Variants in TTBK2 observed in about 807,000 individuals in gnomAD.
The protein encoded by TTBK2 is tau tubulin kinase 2.
Under a neutral mutation model 110.8 loss-of-function variants are expected in TTBK2, and 28 were observed. That is an observed-to-expected ratio of 0.25 (90% CI 0.19 to 0.35). TTBK2 has a LOEUF of 0.35. Among genes scored for constraint, TTBK2 ranks in the 10% least tolerant of loss-of-function variants. The pLI is 1.00. For synonymous variants in TTBK2, 532 were observed against 527.3 expected, an observed-to-expected ratio of 1.01 and a Z score of -0.12; for missense variants, 1,369 against 1,500.3, an observed-to-expected ratio of 0.91 and a Z score of 1.45.
At position 42,777,113 on chromosome 15, in the gene TTBK2, A is replaced by G; in HGVS notation, c.1327T>C (p.Leu443=). 2 of 1,614,212 alleles carry G rather than the reference A, an allele frequency of 1.2e-6. No homozygotes were observed. Among genetic ancestry groups the G allele is most frequent in the Non-Finnish European group, 1.7e-6 (2 of 1,180,048 alleles). The part of the protein sequence containing the change: ...PDRDIPLVRK[L]RSIHSFELEK... ...AGCTCAAAGCTGTGAATGGAACGTA[A>G]CTTTCGCACCAGTGGAATATCTCTG... The change falls in exon 12 of 15, where the codon TTA becomes CTA. Residue 443 remains leucine (L), a synonymous_variant. Transcript: ENST00000267890.
intron 1 of TTBK2, among the ~76,000 whole-genome samples, chr15:42,892,949 T>C (rs1213961277): frequency 6.9e-6 from 1 of 144,874 alleles, no homozygotes; most frequent in Non-Finnish European, 1.5e-5. Flanking sequence ...AGGCGGAGTA[T>C]GCAGTCAGCC....
intron 1 of TTBK2, among the ~76,000 whole-genome samples, chr15:42,909,381 C>T (rs1277601543): frequency 6.6e-6 from 1 of 152,202 alleles, no homozygotes; most frequent in Non-Finnish European, 1.5e-5. Context: ...CTCTCTCTGA[C>T]TTTTGCTTCC....
intron 7 of TTBK2, among the ~76,000 whole-genome samples, chr15:42,816,084 A>AT (rs1491188073): frequency 0.11 from 6,117 of 57,170 alleles, 383 homozygotes; most frequent in African/African-American, 0.2. Flanking sequence ...ATAAATAAAT[A>AT]AATATATATA....
intron 10 of TTBK2, among the ~76,000 whole-genome samples, chr15:42,792,846 T>C (rs926543451): frequency 6.6e-6 from 1 of 152,254 alleles, no homozygotes; most frequent in Non-Finnish European, 1.5e-5. Flanking sequence ...TGTGTAGCTT[T>C]AGTTTTCCTT....
intron 1 of TTBK2, among the ~76,000 whole-genome samples, chr15:42,918,493 T>A (rs190712078): frequency 6.6e-6 from 1 of 152,216 alleles, no homozygotes; most frequent in Non-Finnish European, 1.5e-5. Context: ...TGTTACTTTT[T>A]AAAGTTATAA....
chr15:42,902,830 A>G (rs2030134215), intron 1 of TTBK2, among the ~76,000 whole-genome samples: 1 of 152,046 alleles, frequency 6.6e-6, no homozygotes, highest in Non-Finnish European at 1.5e-5. Flanking sequence ...GTCTCTACAA[A>G]ATATACAAAT....
intron 9 of TTBK2, among the ~76,000 whole-genome samples, chr15:42,805,954 C>G (rs1322129552): frequency 6.6e-6 from 1 of 152,172 alleles, no homozygotes; most frequent in Non-Finnish European, 1.5e-5. Context: ...GATCAAGAAC[C>G]TTTATTGTGT....
At chr15:42,855,623 T>C (rs1019939040) in intron 3 of TTBK2, among the ~76,000 whole-genome samples, 14 of 152,346 alleles carry the variant, frequency 9.2e-5, no homozygotes, top group African/African-American at 3.4e-4. Context: ...TTCATAATGA[T>C]ACTCAAAACG....
chr15:42,770,738 T>C (rs7182871), intron 13 of TTBK2, among the ~76,000 whole-genome samples: 146,882 of 152,306 alleles, frequency 0.96, 70,895 homozygotes, highest in Middle Eastern at 1. Flanking sequence ...ATTCAACCCT[T>C]CTGCAAAATC....
rs1161998016 is a variant in TTBK2, at chr15:42,763,104, G to GTA, written c.1999-9859_1999-9858dup. On this transcript the variant is annotated intron_variant, in intron 13 of 14. Coordinates refer to ENST00000267890, the MANE Select transcript of TTBK2 (RefSeq NM_173500.4). The stretch of plus-strand genomic sequence containing the variant: ...CAATTTTATATATATATATATATAC[G>GTA]TATATATATATATACACATATATAT... Among the ~76,000 whole-genome samples the GTA allele has an allele frequency of 4.3e-3, 257 of 59,582 alleles. 6 individuals carry two copies. Among genetic ancestry groups the GTA allele is most frequent in the South Asian group, 0.01 (17 of 1,622 alleles). 39.1% of individuals were successfully genotyped at this position (59,582 alleles called of 152,430 possible).
chr15:42,777,379 C>T (rs1034843248), intron 11 of TTBK2, 137 bp from the exon 12 acceptor site: 50 of 842,086 alleles, frequency 5.9e-5, no homozygotes, highest in Non-Finnish European at 8.1e-5. Context: ...GGCTAGTTTA[C>T]TTCATTACAT....
intron 3 of TTBK2, among the ~76,000 whole-genome samples, chr15:42,866,003 A>G (rs1313128158): frequency 6.6e-6 from 1 of 152,248 alleles, no homozygotes; most frequent in Non-Finnish European, 1.5e-5. Flanking sequence ...GTTGTCTACA[A>G]CAAACTCACT....
At chr15:42,802,396 C>G (rs371843940) in intron 9 of TTBK2, 1 of 753,188 alleles carries the variant, frequency 1.3e-6, no homozygotes, top group Non-Finnish European at 2.4e-6. Flanking sequence ...CCGGGTCACC[C>G]TGATGGACAT....
chr15:42,768,886 C>T (rs561092229), intron 13 of TTBK2, among the ~76,000 whole-genome samples: 1 of 152,308 alleles, frequency 6.6e-6, no homozygotes, highest in Non-Finnish European at 1.5e-5. Context: ...GTAACCAAAA[C>T]AGCATGGTAC....
intron 1 of TTBK2, among the ~76,000 whole-genome samples, chr15:42,904,416 A>G (rs1055327648): frequency 6.6e-6 from 1 of 152,206 alleles, no homozygotes; most frequent in African/African-American, 2.4e-5. Context: ...TAAGATTTAC[A>G]ATAAAAAAAA....
Position 42,907,749 on chromosome 15 carries a change from T to G in TTBK2, c.-68+12689A>C, listed in dbSNP as rs2030494058. On this transcript the variant is annotated intron_variant, in intron 1 of 14. Transcript: ENST00000267890. ...TGTACATATAAAATGGTAAAGATGG[T>G]AAATCTTATTTGCACGTTTTACCTC... Among the ~76,000 whole-genome samples the G allele has an allele frequency of 3.3e-5, 5 of 152,038 alleles. No individual in the cohort carries two copies. In the South Asian group the frequency reaches 1.0e-3, roughly 32 times the overall value.
In TTBK2 at chr15:42,870,513, G is replaced by C. The variant is rs535311240; in HGVS notation, c.217+2098C>G. Among the ~76,000 whole-genome samples, 3 of 152,000 alleles carry C rather than the reference G, an allele frequency of 2.0e-5. No individual in the cohort carries two copies. In the South Asian group the frequency reaches 6.2e-4, roughly 32 times the overall value. On this transcript the variant is annotated intron_variant, in intron 3 of 14. Transcript: ENST00000267890. ...GAGAAGAGGAATTGGTCTATTAAAA[G>C]GAACAAAATTAGGGGTGGGCTAATT...
At chr15:42,802,229 C>T (rs772889460) in intron 9 of TTBK2, 6 of 871,016 alleles carry the variant, frequency 6.9e-6, no homozygotes, top group Non-Finnish European at 9.7e-6. Context: ...GTGGTGATGC[C>T]TCCACTGGCC....
At chr15:42,871,403 G>C in intron 3 of TTBK2, 1 of 978,730 alleles carries the variant, frequency 1.0e-6, no homozygotes, top group Non-Finnish European at 1.2e-6. Context: ...AAATAAGCAG[G>C]AGAACCTCCT....
Sources: gnomAD v4.1 joint callset for allele counts (sites outside exome capture counted in the v4.1 genomes callset) on GRCh38, gnomAD v4.1.1 for gene constraint, MANE v1.5 for transcripts, NCBI Gene and HGNC (gene_info 2026-07-23, HGNC 2026-07-21) for gene names.